Variants in KDM7A observed in about 807,000 individuals in gnomAD.
KDM7A encodes the protein lysine demethylase 7A, also known as lysine-specific demethylase 7A.
Under a neutral mutation model 114.8 loss-of-function variants are expected in KDM7A, and 28 were observed. The ratio of observed to expected loss-of-function variants is 0.24; its 90% confidence interval spans 0.18 to 0.33. The LOEUF (loss-of-function observed/expected upper bound fraction) is 0.33. Among genes scored for constraint, KDM7A ranks in the 10% least tolerant of loss-of-function variants. The probability of loss-of-function intolerance (pLI) is 1.00; values close to 1 mark genes in which losing one functional copy is unlikely to be tolerated. For missense variants in KDM7A, 942 were observed against 1,142.5 expected (o/e 0.82, Z 2.53); for synonymous variants, 423 against 397.8 (o/e 1.06, Z -0.75).
Position 140,090,664 on chromosome 7 carries a change from T to C in KDM7A, c.*430A>G, listed in dbSNP as rs545254595. Reference sequence around the variant, plus strand: ...ATTTAAAAACCTTCACATTCTTACATCTAAATTAGTGAGATATTTCTCCAG... The same window carrying C: ...ATTTAAAAACCTTCACATTCTTACACCTAAATTAGTGAGATATTTCTCCAG... On this transcript the variant is annotated 3_prime_UTR_variant, in exon 20 of 20. Coordinates refer to ENST00000397560, the MANE Select transcript of KDM7A (RefSeq NM_030647.2). 1 of 158,060 alleles carries C rather than the reference T, an allele frequency of 6.3e-6. No individual in the cohort carries two copies. The highest frequency in any genetic ancestry group is 1.9e-4 in the East Asian group (1 of 5,398). The allele number at this position is 158,060 out of a possible 1,614,324, so 9.8% of individuals were successfully genotyped here. A position where few individuals can be genotyped will look rare whatever the true frequency, so the allele number is the denominator to read the frequency against.
chr7:140,145,535 G>T (rs1035751438), intron 1 of KDM7A, among the ~76,000 whole-genome samples: 18 of 152,150 alleles, frequency 1.2e-4, no homozygotes, highest in African/African-American at 4.1e-4. Flanking sequence ...GCAACAAAAA[G>T]ATCACTGCAG....
At chr7:140,161,568 G>A (rs1016217455) in intron 1 of KDM7A, among the ~76,000 whole-genome samples, 9 of 151,456 alleles carry the variant, frequency 5.9e-5, no homozygotes, top group African/African-American at 1.9e-4. Flanking sequence ...CGGTGGGGGG[G>A]ACGGAGTCTC....
Position 140,133,661 on chromosome 7 carries a change from A to AT in KDM7A, c.281-6dup, listed in dbSNP as rs1465403895. ...GCCAGTTCCTCCTTTTTTTCACTGG[A>AT]TTTTTAAAAGATTAAAAAAAAATGA... is the stretch of plus-strand genomic sequence containing the variant. On this transcript the variant is annotated splice_polypyrimidine_tract_variant and splice_region_variant and intron_variant, in intron 2 of 19. Transcript: ENST00000397560. 6.6e-7 allele frequency: 1 copy of AT among 1,526,340 alleles called. No homozygotes were observed. The highest frequency in any genetic ancestry group is 9.0e-7 in the Non-Finnish European group (1 of 1,107,726). 94.5% of individuals were successfully genotyped at this position (1,526,340 alleles called of 1,614,324 possible).
intron 9 of KDM7A, among the ~76,000 whole-genome samples, chr7:140,118,742 T>G (rs1053896309): frequency 1.3e-5 from 2 of 152,150 alleles, no homozygotes; most frequent in Admixed American, 6.5e-5. Flanking sequence ...AAGCAAATTT[T>G]GGGAACATAT....
rs761490793 is a variant in KDM7A at position 140,129,489 on chromosome 7, G to A, written c.559+4C>T. ...CCAGGTACTTAAAGAAATAAAGTTC[G>A]TACCTACATAACGTTCCACATCCAT... On this transcript the variant is annotated splice_donor_region_variant and intron_variant, in intron 4 of 19. Coordinates refer to ENST00000397560, the MANE Select transcript of KDM7A (RefSeq NM_030647.2). 140 of 1,609,046 alleles carry A rather than the reference G, an allele frequency of 8.7e-5. No homozygotes were observed. The highest frequency in any genetic ancestry group is 1.1e-4 in the Non-Finnish European group (134 of 1,176,392).
chr7:140,151,937 C>A (rs1794404861), intron 1 of KDM7A, among the ~76,000 whole-genome samples: 1 of 152,272 alleles, frequency 6.6e-6, no homozygotes, highest in East Asian at 1.9e-4. Context: ...AATAAAAGAT[C>A]ATACCTTGGG....
chr7:140,134,047 C>T (rs976508622), intron 2 of KDM7A, among the ~76,000 whole-genome samples: 1 of 152,114 alleles, frequency 6.6e-6, no homozygotes, highest in Admixed American at 6.5e-5. Context: ...AGGACAGGGC[C>T]TTTTATCTCA....
intron 12 of KDM7A, 62 bp downstream of exon 12, chr7:140,101,889 C>T: frequency 5.8e-6 from 6 of 1,042,676 alleles, no homozygotes; most frequent in Non-Finnish European, 8.9e-6. Context: ...CTCTTATTAT[C>T]CCTATAAAGA....
intron 1 of KDM7A, among the ~76,000 whole-genome samples, chr7:140,156,882 A>G (rs1052392790): frequency 1.3e-5 from 2 of 152,220 alleles, no homozygotes; most frequent in African/African-American, 4.8e-5. Context: ...GTACAAGCCT[A>G]GTCTCGCAAA....
At chr7:140,100,595 TAC>T (rs1356855852) in intron 12 of KDM7A, among the ~76,000 whole-genome samples, 45 of 150,242 alleles carry the variant, frequency 3.0e-4, no homozygotes, top group Non-Finnish European at 5.3e-4. Context: ...CTCTGATGAT[TAC>T]AGTTTAGAAC....
At chr7:140,150,486 A>G (rs1794387089) in intron 1 of KDM7A, among the ~76,000 whole-genome samples, 1 of 152,218 alleles carries the variant, frequency 6.6e-6, no homozygotes, top group African/African-American at 2.4e-5. Flanking sequence ...CAGCTCTGTA[A>G]GTAGGAATAT....
chr7:140,120,586 T>C (rs1199661974), intron 7 of KDM7A, 57 bp from the exon 8 acceptor site: 41 of 953,310 alleles, frequency 4.3e-5, no homozygotes, highest in Middle Eastern at 2.1e-4. Flanking sequence ...ACTAAACCAA[T>C]AGGATATCTA....
chr7:140,151,488 T>C (rs888814645), intron 1 of KDM7A, among the ~76,000 whole-genome samples: 6 of 152,182 alleles, frequency 3.9e-5, no homozygotes, highest in African/African-American at 1.4e-4. Flanking sequence ...TTTGCAAATA[T>C]AAAGGGATAG....
In KDM7A at chr7:140,087,390, A is replaced by T. The variant is rs541783255; in HGVS notation, c.*3704T>A. 1.3e-5 allele frequency: 2 copies of T among 152,350 alleles called. No homozygotes were observed. Among genetic ancestry groups the T allele is most frequent in the South Asian group, 4.1e-4 (2 of 4,834 alleles). The allele number at this position is 152,350 out of a possible 1,614,324, so 9.4% of individuals were successfully genotyped here. The stretch of plus-strand genomic sequence containing the variant: ...TCATTTTTCTTCCACTTCAAGCACG[A>T]AATCTGATTTTAATCCAGCACCTTG... On this transcript the variant is annotated 3_prime_UTR_variant, in exon 20 of 20. Coordinates refer to ENST00000397560, the MANE Select transcript of KDM7A (RefSeq NM_030647.2).
At chr7:140,158,994 GC>G (rs959901977) in intron 1 of KDM7A, among the ~76,000 whole-genome samples, 2 of 152,224 alleles carry the variant, frequency 1.3e-5, no homozygotes, top group Non-Finnish European at 2.9e-5. Context: ...CAGGGCTGCA[GC>G]TGAAAAGGGA....
At chr7:140,140,543 A>G (rs145247367) in intron 1 of KDM7A, among the ~76,000 whole-genome samples, 3,738 of 152,200 alleles carry the variant, frequency 0.025, 158 homozygotes, top group African/African-American at 0.086. Context: ...TGGGAGGCCG[A>G]GGCGGGTGGA....
chr7:140,128,041 C>G (rs1183140440), intron 4 of KDM7A, among the ~76,000 whole-genome samples: 1 of 152,106 alleles, frequency 6.6e-6, no homozygotes, highest in Non-Finnish European at 1.5e-5. Flanking sequence ...AAAAACACAT[C>G]ACTCATTGGG....
intron 18 of KDM7A, among the ~76,000 whole-genome samples, chr7:140,093,729 G>A (rs181847647): frequency 1.3e-5 from 2 of 152,306 alleles, no homozygotes; most frequent in Admixed American, 1.3e-4. Flanking sequence ...AACAGCATCA[G>A]AGATTAAAAA....
At chr7:140,112,710 A>C (rs1818453115) in intron 10 of KDM7A, among the ~76,000 whole-genome samples, 1 of 133,942 alleles carries the variant, frequency 7.5e-6, no homozygotes, top group African/African-American at 2.5e-5. Flanking sequence ...ATGGAGTTAT[A>C]ATAAAGATGA....
Sources: allele counts gnomAD v4.1 joint callset (sites outside exome capture counted in the v4.1 genomes callset), GRCh38; gene constraint gnomAD v4.1.1; transcripts MANE v1.5; gene names NCBI Gene and HGNC (gene_info 2026-07-23, HGNC 2026-07-21).